The following ADAMTS17 variants were observed in gnomAD, a reference collection of about 807,000 sequenced individuals.
ADAMTS17 encodes the protein A disintegrin and metalloproteinase with thrombospondin motifs 17.
Under a neutral mutation model 141.5 loss-of-function variants are expected in ADAMTS17, and 113 were observed. The ratio of observed to expected loss-of-function variants is 0.80; its 90% CI spans 0.69 to 0.93. ADAMTS17 has a LOEUF of 0.93. ADAMTS17 is among the 40% of genes least tolerant of loss of function. The pLI is 0.00. For synonymous variants in ADAMTS17, 768 were observed against 630.6 expected (o/e 1.22, Z -3.27); for missense variants, 1,659 against 1,517.9 (o/e 1.09, Z -1.54).
At chr15:100,262,782 TAAA>T (rs201067774) in intron 4 of ADAMTS17, among the ~76,000 whole-genome samples, 1 of 111,248 alleles carries the variant, frequency 9.0e-6, no homozygotes. Context: ...CTTCCAGTAC[TAAA>T]AAAAAAAAAA....
chr15:100,204,233 G>A (rs758756839), intron 7 of ADAMTS17, among the ~76,000 whole-genome samples: 1 of 152,230 alleles, frequency 6.6e-6, no homozygotes, highest in Non-Finnish European at 1.5e-5. Context: ...GGTTGATGCA[G>A]TAAGTTGTTG....
rs1596331294 is a variant in ADAMTS17 at position 100,065,322 on chromosome 15, A to AATGT, written c.2138-11272_2138-11269dup. Among the ~76,000 whole-genome samples the AATGT allele has an allele frequency of 2.0e-5, 3 of 152,348 alleles. No homozygotes were observed. In the East Asian group the frequency reaches 5.8e-4, roughly 29 times the overall value. On this transcript the variant is annotated intron_variant, in intron 15 of 21. Transcript: ENST00000268070. ...TTCAAAATAATTAGTTTTGCTAGGT[A>AATGT]ATGTATGTATAAGGTACAAAATTCA...
At chr15:100,073,803 T>C (rs963728815) in intron 15 of ADAMTS17, among the ~76,000 whole-genome samples, 8 of 148,062 alleles carry the variant, frequency 5.4e-5, no homozygotes, top group African/African-American at 7.4e-5. Context: ...TTAGGAGATA[T>C]ACCTAATGTT....
At chr15:100,124,462 G>A (rs1438856939) in intron 12 of ADAMTS17, among the ~76,000 whole-genome samples, 1 of 152,356 alleles carries the variant, frequency 6.6e-6, no homozygotes, top group East Asian at 1.9e-4. Context: ...AAACCAGAGA[G>A]AATTACTGAC....
intron 15 of ADAMTS17, among the ~76,000 whole-genome samples, chr15:100,061,976 C>A (rs2033155321): frequency 6.6e-6 from 1 of 152,226 alleles, no homozygotes; most frequent in South Asian, 2.1e-4. Flanking sequence ...GTGAGGTTGA[C>A]CCAATGTCCT....
intron 7 of ADAMTS17, among the ~76,000 whole-genome samples, chr15:100,239,204 C>T (rs1040836101): frequency 1.1e-4 from 16 of 152,248 alleles, no homozygotes; most frequent in African/African-American, 3.6e-4. Flanking sequence ...TCCCTCTCTG[C>T]ACCTCGGTTT....
At position 99,996,550 on chromosome 15, in the gene ADAMTS17, T is replaced by C. The variant is rs1431238605; in HGVS notation, c.2796+835A>G. 2.6e-5 allele frequency among the ~76,000 whole-genome samples: 4 copies of C among 152,236 alleles called. No individual in the cohort carries two copies. In the South Asian group the frequency reaches 6.2e-4, roughly 24 times the overall value. ...ATCTATAAACAAATACATGCCAAGA[T>C]CTGTTTGAAAATTAACCTTTGTTTT... On this transcript the variant is annotated intron_variant, in intron 19 of 21. Transcript: ENST00000268070.
chr15:100,178,253 G>C (rs2040406917), intron 8 of ADAMTS17, among the ~76,000 whole-genome samples: 1 of 151,838 alleles, frequency 6.6e-6, no homozygotes, highest in Non-Finnish European at 1.5e-5. Flanking sequence ...ACATCCTGTG[G>C]GTTACTTGAA....
intron 8 of ADAMTS17, among the ~76,000 whole-genome samples, chr15:100,173,455 C>G (rs192388180): frequency 6.6e-6 from 1 of 152,274 alleles, no homozygotes; most frequent in East Asian, 1.9e-4. Flanking sequence ...AGTCAACCAC[C>G]TGGTAGACAA....
chr15:100,059,281 G>A (rs2032919320), intron 15 of ADAMTS17, among the ~76,000 whole-genome samples: 1 of 152,244 alleles, frequency 6.6e-6, no homozygotes, highest in South Asian at 2.1e-4. Flanking sequence ...ACTGCCTGTG[G>A]CCATCGCCGC....
intron 15 of ADAMTS17, among the ~76,000 whole-genome samples, chr15:100,092,919 C>A (rs35978754): frequency 6.6e-6 from 1 of 151,976 alleles, no homozygotes; most frequent in South Asian, 2.1e-4. Flanking sequence ...AGGAGCAGGG[C>A]GGAATAAAGA....
At chr15:100,122,990 G>T (rs2037527801) in intron 12 of ADAMTS17, among the ~76,000 whole-genome samples, 1 of 152,234 alleles carries the variant, frequency 6.6e-6, no homozygotes, top group South Asian at 2.1e-4. Context: ...AAGACAGAAG[G>T]AGAATCCTTG....
chr15:99,974,609 C>A, intron 21 of ADAMTS17, 47 bp from the exon 22 acceptor site: 1 of 1,612,590 alleles, frequency 6.2e-7, no homozygotes, highest in Non-Finnish European at 8.5e-7. Flanking sequence ...ATGGCCTAGG[C>A]ATGTCCTGAT....
chr15:100,309,980 G>A (rs544878888), intron 3 of ADAMTS17, among the ~76,000 whole-genome samples: 9 of 152,340 alleles, frequency 5.9e-5, no homozygotes, highest in Admixed American at 4.6e-4. Context: ...ATCACCTGCC[G>A]GCAAGGGACA....
intron 7 of ADAMTS17, among the ~76,000 whole-genome samples, chr15:100,245,068 G>A (rs1055186697): frequency 1.1e-4 from 16 of 152,196 alleles, no homozygotes; most frequent in African/African-American, 3.6e-4. Context: ...CTTGCCATGA[G>A]GCGTTCCTTG....
chr15:100,318,107 C>T (rs116287631), intron 3 of ADAMTS17, among the ~76,000 whole-genome samples: 2,934 of 152,186 alleles, frequency 0.019, 39 homozygotes, highest in Middle Eastern at 0.034. Flanking sequence ...GGTCAGAGTG[C>T]ATGATCTGAC....
intron 15 of ADAMTS17, among the ~76,000 whole-genome samples, chr15:100,055,838 A>G (rs765168500): frequency 6.6e-6 from 1 of 152,194 alleles, no homozygotes; most frequent in Non-Finnish European, 1.5e-5. Context: ...TCTTCTCAAC[A>G]ACCCTCTGAA....
At chr15:100,055,449 C>A (rs564160001) in intron 15 of ADAMTS17, among the ~76,000 whole-genome samples, 4 of 152,178 alleles carry the variant, frequency 2.6e-5, no homozygotes, top group South Asian at 4.1e-4. Context: ...TGCTCGCTCC[C>A]GGCAAACACA....
chr15:100,188,726 T>C, intron 8 of ADAMTS17, among the ~76,000 whole-genome samples: 1 of 152,238 alleles, frequency 6.6e-6, no homozygotes, highest in East Asian at 1.9e-4. Flanking sequence ...AAGAAACCTG[T>C]CTCCAGGTGA....
Sources: allele counts gnomAD v4.1 joint callset (sites outside exome capture counted in the v4.1 genomes callset), GRCh38; gene constraint gnomAD v4.1.1; transcripts MANE v1.5; gene names NCBI Gene and HGNC (gene_info 2026-07-23, HGNC 2026-07-21).